The following PHAF1 variants were observed in gnomAD, a reference collection of about 807,000 sequenced individuals.
PHAF1 encodes the protein phagosome assembly factor 1.
PHAF1 carries 23 observed loss-of-function variants against 63.1 expected under a neutral mutation model. That is an observed-to-expected ratio of 0.36 (90% confidence interval 0.26 to 0.52). The LOEUF is 0.52. PHAF1 is among the 20% of genes least tolerant of loss of function. The pLI is 0.93. For missense variants in PHAF1, 427 were observed against 517.2 expected, an observed-to-expected ratio of 0.83 and a Z score of 1.69; for synonymous variants, 167 against 185.0, an observed-to-expected ratio of 0.90 and a Z score of 0.79.
intron 3 of PHAF1, among the ~76,000 whole-genome samples, chr16:67,128,946 G>A (rs1472121870): frequency 6.6e-6 from 1 of 152,202 alleles, no homozygotes; most frequent in Non-Finnish European, 1.5e-5. Context: ...CATCGTGCAG[G>A]CTCACTTCCA....
At position 67,145,445 on chromosome 16, in the gene PHAF1, A is replaced by G. The variant is rs754721750; in HGVS notation, c.1050+26A>G. ...GTGAGCACCTATCTTCCTACCTGGC[A>G]TAGCCTGAGAATGAGGTGGACATGA... is the stretch of plus-strand genomic sequence containing the variant. On this transcript the variant is annotated intron_variant, in intron 13 of 15. Transcript: ENST00000219139. The G allele has an allele frequency of 1.5e-5, 24 of 1,614,122 alleles. No individual in the cohort carries two copies. The East Asian group carries it at 5.1e-4, about 34-fold the overall frequency.
intron 9 of PHAF1, 28 bp downstream of exon 9, chr16:67,140,145 CT>C (rs747923191): frequency 9.3e-6 from 15 of 1,605,260 alleles, no homozygotes; most frequent in Middle Eastern, 1.8e-4. Context: ...CAGTCTCCTC[CT>C]TTTTTTTAAT....
chr16:67,131,930 A>G (rs1437866654), intron 4 of PHAF1: 1 of 150,998 alleles, frequency 6.6e-6, no homozygotes, highest in Non-Finnish European at 1.5e-5. Context: ...GCTGGTGTGC[A>G]GTGGCGCCAT....
intron 15 of PHAF1, 139 bp downstream of exon 15, chr16:67,146,489 C>A: frequency 1.1e-6 from 1 of 890,358 alleles, no homozygotes; most frequent in Non-Finnish European, 1.8e-6. Flanking sequence ...ACCGTGTCTG[C>A]TGCATACCTG....
Position 67,129,846 on chromosome 16 carries a change from C to G in PHAF1, c.232-1440C>G, listed in dbSNP as rs569404822. On this transcript the variant is annotated intron_variant, in intron 3 of 15. Coordinates refer to ENST00000219139, the MANE Select transcript of PHAF1 (RefSeq NM_025187.5). ...CTGCCCTGAGTTCTTAGAATTTCAT[C>G]TGAGGCTGAACCCATTAAAGAGCAA... Among the ~76,000 whole-genome samples the G allele has an allele frequency of 2.0e-5, 3 of 152,318 alleles. No individual in the cohort carries two copies. The East Asian group carries it at 5.8e-4, about 29-fold the overall frequency.
In PHAF1 at chr16:67,134,412, T is replaced by A; in HGVS notation, c.606T>A (p.Asp202Glu). Residue 202 changes from aspartate to glutamate, a missense_variant, in exon 8 of 16, where the codon GAT becomes GAA. Physicochemically the swap from Asp to Glu is conservative, Grantham distance 45. Transcript: ENST00000219139. ...FLGNVYAESV[D>E]VLRDGTGPAG... is the part of the protein sequence containing the mutation. Reference sequence around the variant, plus strand: ...GCAATGTCTATGCTGAGAGTGTAGATGTTCTTCGAGATGGAACTGGACCTG... The same window carrying A: ...GCAATGTCTATGCTGAGAGTGTAGAAGTTCTTCGAGATGGAACTGGACCTG... 6.2e-7 allele frequency: 1 copy of A among 1,614,166 alleles called. No homozygotes were observed. Among genetic ancestry groups the A allele is most frequent in the Non-Finnish European group, 8.5e-7 (1 of 1,180,004 alleles).
rs1405768515 is a variant in PHAF1, at chr16:67,145,419, G to A, written c.1050G>A (p.Lys350=). 1 of 1,614,154 alleles carries A rather than the reference G, an allele frequency of 6.2e-7. No individual in the cohort carries two copies. Among genetic ancestry groups the A allele is most frequent in the East Asian group, 2.2e-5 (1 of 44,876 alleles). Residue 350 remains lysine (K), a splice_region_variant and synonymous_variant, in exon 13 of 16, where the codon AAG becomes AAA. Transcript: ENST00000219139. ...CAGAAACATGCACGACCTACAGCAAGGTGAGCACCTATCTTCCTACCTGGC... is the reference window on the plus strand; with the variant it reads ...CAGAAACATGCACGACCTACAGCAAAGTGAGCACCTATCTTCCTACCTGGC... ...GQTETCTTYS[K]WDNIQELLGH...
chr16:67,113,739 G>A (rs1181742545), intron 1 of PHAF1, among the ~76,000 whole-genome samples: 1 of 140,986 alleles, frequency 7.1e-6, no homozygotes, highest in Non-Finnish European at 1.5e-5. Flanking sequence ...GTGAGCCACC[G>A]CACCCAGCCT....
intron 2 of PHAF1, among the ~76,000 whole-genome samples, chr16:67,121,423 C>T (rs1476717061): frequency 2.0e-5 from 3 of 146,854 alleles, no homozygotes; most frequent in African/African-American, 5.0e-5. Flanking sequence ...AGGATGGTCT[C>T]GATCTCCTGA....
intron 1 of PHAF1, among the ~76,000 whole-genome samples, chr16:67,116,036 C>T (rs1244672559): frequency 6.6e-6 from 1 of 152,194 alleles, no homozygotes; most frequent in Non-Finnish European, 1.5e-5. Flanking sequence ...ATCAGAGAAG[C>T]CATGCGGCCT....
intron 10 of PHAF1, among the ~76,000 whole-genome samples, chr16:67,141,338 C>T (rs112945009): frequency 2.0e-5 from 3 of 152,136 alleles, no homozygotes; most frequent in Non-Finnish European, 4.4e-5. Flanking sequence ...AGTAGGATGG[C>T]GGCAGGAGGG....
At chr16:67,145,704 A>G in intron 14 of PHAF1, 76 bp downstream of exon 14, 1 of 1,476,194 alleles carries the variant, frequency 6.8e-7, no homozygotes, top group South Asian at 1.2e-5. Flanking sequence ...AGCCTGGCAC[A>G]GTGGATGTTG....
In PHAF1 at chr16:67,145,428, C is replaced by G; in HGVS notation, c.1050+9C>G. On this transcript the variant is annotated intron_variant, in intron 13 of 15. Coordinates refer to ENST00000219139, the MANE Select transcript of PHAF1 (RefSeq NM_025187.5). ...GCACGACCTACAGCAAGGTGAGCAC[C>G]TATCTTCCTACCTGGCATAGCCTGA... 6.2e-7 allele frequency: 1 copy of G among 1,614,136 alleles called. No individual in the cohort carries two copies. The highest frequency in any genetic ancestry group is 1.1e-5 in the South Asian group (1 of 91,084).
chr16:67,138,651 G>A (rs895277395), intron 8 of PHAF1, among the ~76,000 whole-genome samples: 9 of 152,130 alleles, frequency 5.9e-5, no homozygotes, highest in African/African-American at 2.2e-4. Context: ...GTCATTAACT[G>A]TAATCATTTC....
At chr16:67,124,901 CAAAA>C (rs573637159) in intron 2 of PHAF1, among the ~76,000 whole-genome samples, 6 of 106,678 alleles carry the variant, frequency 5.6e-5, no homozygotes, top group Admixed American at 1.0e-4. Flanking sequence ...AGACTTCATC[CAAAA>C]AAAAAAAAAA....
At chr16:67,134,745 G>A in intron 8 of PHAF1, 1 of 542,500 alleles carries the variant, frequency 1.8e-6, no homozygotes, top group Non-Finnish European at 3.5e-6. Context: ...CAAGGGGCTA[G>A]TTAACTCCCT....
chr16:67,146,264 T>G lies in PHAF1; in HGVS notation c.1110-14T>G. The G allele has an allele frequency of 6.2e-7, 1 of 1,611,372 alleles. No individual in the cohort carries two copies. The highest frequency in any genetic ancestry group is 1.1e-5 in the South Asian group (1 of 90,996). ...CTCTGTCTGCCTCTCTAATTCTGAA[T>G]TCTTTGGCCTCAGGTCTTCCTCCCC... On this transcript the variant is annotated splice_polypyrimidine_tract_variant and intron_variant, in intron 14 of 15. Coordinates refer to ENST00000219139, the MANE Select transcript of PHAF1 (RefSeq NM_025187.5).
chr16:67,112,673 A>T (rs1273876692), intron 1 of PHAF1, among the ~76,000 whole-genome samples: 1 of 152,202 alleles, frequency 6.6e-6, no homozygotes, highest in Non-Finnish European at 1.5e-5. Context: ...CTAGTTTCCC[A>T]GGAATCAAGG....
Position 67,120,157 on chromosome 16 carries a change from G to A in PHAF1, c.110G>A (p.Arg37His), listed in dbSNP as rs149407168. 28 of 1,613,856 alleles carry A rather than the reference G, an allele frequency of 1.7e-5. No homozygotes were observed. The highest frequency in any genetic ancestry group is 2.2e-5 in the South Asian group (2 of 91,060). ...GTAGCCATTCTTCAGAAGCACTGTC[G>A]CATCATCAAAAACGTCCAGGTTCTC... ...QAVAILQKHCRIIKNVQVLYS... is the reference protein window; with the variant it reads ...QAVAILQKHCHIIKNVQVLYS... The change falls in exon 2 of 16, where the codon CGC becomes CAC. Residue 37 changes from arginine to histidine, a missense_variant. Arg to His is a conservative substitution (Grantham distance 29). Transcript: ENST00000219139.
Sources: allele counts gnomAD v4.1 joint callset (sites outside exome capture counted in the v4.1 genomes callset), GRCh38; gene constraint gnomAD v4.1.1; transcripts MANE v1.5; gene names NCBI Gene and HGNC (gene_info 2026-07-23, HGNC 2026-07-21).